The following CEP78 variants were observed in gnomAD, a reference collection of about 807,000 sequenced individuals.
CEP78 encodes centrosomal protein of 78 kDa.
In CEP78, 76 loss-of-function variants were observed where a neutral mutation model predicts 81.2. The observed-to-expected ratio is 0.94, with a 90% CI of 0.78 to 1.13. CEP78 has a LOEUF of 1.13. Among genes scored for constraint, CEP78 ranks in the 50% most tolerant of loss-of-function variants. The pLI, the probability that CEP78 is intolerant of heterozygous loss-of-function variation, is 0.00. For missense variants in CEP78, 918 were observed against 846.8 expected (o/e 1.08, Z -1.04); for synonymous variants, 293 against 301.4 (o/e 0.97, Z 0.29).
intron 14 of CEP78, 50 bp from the exon 15 acceptor site, chr9:78,265,809 T>C (rs1211414572): frequency 3.2e-6 from 3 of 929,188 alleles, no homozygotes; most frequent in Admixed American, 4.2e-5. Flanking sequence ...AGAGAAATGA[T>C]TTTCAATTTT....
At chr9:78,242,532 C>T (rs1434922572) in intron 4 of CEP78, among the ~76,000 whole-genome samples, 1 of 152,174 alleles carries the variant, frequency 6.6e-6, no homozygotes, top group African/African-American at 2.4e-5. Flanking sequence ...AGAAAACCTA[C>T]TGTGTCTGTC....
In CEP78 at chr9:78,279,307, G is replaced by GTAGAGATT. The variant is rs1827861256; in HGVS notation, c.*8461_*8462insATTTAGAG. On this transcript the variant is annotated 3_prime_UTR_variant, in exon 17 of 17. Coordinates refer to ENST00000643273, the MANE Select transcript of CEP78 (RefSeq NM_001330691.3). ...TCCTAGCTTAAATGATAAAATTTGA[G>GTAGAGATT]TAGAGTTTGAAAACACTAAAATCAG... The GTAGAGATT allele has an allele frequency of 6.6e-6, 1 of 152,164 alleles. No individual in the cohort carries two copies. Among genetic ancestry groups the GTAGAGATT allele is most frequent in the Non-Finnish European group, 1.5e-5 (1 of 68,030 alleles). The allele number at this position is 152,164 out of a possible 1,614,324, so 9.4% of individuals were successfully genotyped here. A position where few individuals can be genotyped will look rare whatever the true frequency, so the allele number is the denominator to read the frequency against.
intron 8 of CEP78, 121 bp from the exon 9 acceptor site, chr9:78,251,787 A>T: frequency 3.1e-6 from 2 of 646,240 alleles, no homozygotes; most frequent in Non-Finnish European, 4.8e-6. Flanking sequence ...ATCCTGATTT[A>T]ATGGACTTGG....
chr9:78,240,232 A>G (rs2118116541), intron 2 of CEP78, 37 bp downstream of exon 2: 4 of 1,612,696 alleles, frequency 2.5e-6, no homozygotes, highest in Admixed American at 1.7e-5. Flanking sequence ...GACATTTGAT[A>G]GTTGCTTTTA....
intron 1 of CEP78, among the ~76,000 whole-genome samples, chr9:78,237,955 CAAAAAAAAA>C (rs557546978): frequency 1.9e-5 from 2 of 106,112 alleles, no homozygotes; most frequent in African/African-American, 7.3e-5. Flanking sequence ...ACTAAAAATA[CAAAAAAAAA>C]AAAAAAAAAA....
chr9:78,268,671 G>C (rs1366910357), intron 16 of CEP78, among the ~76,000 whole-genome samples: 3 of 145,810 alleles, frequency 2.1e-5, no homozygotes, highest in Non-Finnish European at 3.0e-5. Context: ...AATTAAGCAG[G>C]TTTCTTTTCT....
In CEP78 at chr9:78,240,202, T is replaced by C. The variant is rs1426704521; in HGVS notation, c.426+7T>C. 6.2e-7 allele frequency: 1 copy of C among 1,610,660 alleles called. No homozygotes were observed. Among genetic ancestry groups the C allele is most frequent in the Non-Finnish European group, 8.5e-7 (1 of 1,178,330 alleles). ...TTTAACTATTCTAGCAAAGGTAAGC[T>C]TTGTCTCATTTGGCTTGTAGACATT... On this transcript the variant is annotated splice_region_variant and intron_variant, in intron 2 of 16. Transcript: ENST00000643273.
At chr9:78,242,726 T>G (rs540964602) in intron 4 of CEP78, among the ~76,000 whole-genome samples, 2 of 152,326 alleles carry the variant, frequency 1.3e-5, no homozygotes, top group South Asian at 4.1e-4. Context: ...GATTTTTTTT[T>G]CTCTTAAAAT....
At chr9:78,263,051 C>T (rs1187584284) in intron 12 of CEP78, 67 bp downstream of exon 12, 1 of 793,196 alleles carries the variant, frequency 1.3e-6, no homozygotes. Flanking sequence ...TTAAGTCATA[C>T]ATACACACAC....
intron 1 of CEP78, among the ~76,000 whole-genome samples, chr9:78,239,030 ATAAAT>A (rs1826093737): frequency 6.6e-6 from 1 of 151,860 alleles, no homozygotes; most frequent in African/African-American, 2.4e-5. Flanking sequence ...AGGAACCAAA[ATAAAT>A]TAAAGATGGG....
chr9:78,266,216 A>G (rs1179700452), intron 15 of CEP78, among the ~76,000 whole-genome samples: 1 of 151,866 alleles, frequency 6.6e-6, no homozygotes, highest in African/African-American at 2.4e-5. Flanking sequence ...TTAATGAGGG[A>G]GACATAAATT....
Position 78,279,386 on chromosome 9 carries a change from A to G in CEP78, c.*8535A>G, listed in dbSNP as rs971901915. 1 of 152,232 alleles carries G rather than the reference A, an allele frequency of 6.6e-6. No individual in the cohort carries two copies. The allele number at this position is 152,232 out of a possible 1,614,324, so 9.4% of individuals were successfully genotyped here. On this transcript the variant is annotated 3_prime_UTR_variant, in exon 17 of 17. Transcript: ENST00000643273. ...TATACCAAAGCCAAACTTCACCTAA[A>G]TCTTACCTAAGAATTGAGTTCCTTA...
At chr9:78,257,203 C>A (rs1827077529) in intron 11 of CEP78, among the ~76,000 whole-genome samples, 1 of 151,860 alleles carries the variant, frequency 6.6e-6, no homozygotes, top group Non-Finnish European at 1.5e-5. Flanking sequence ...GAAAGAAATC[C>A]CAAGAGAAAA....
rs866626048 is a variant in CEP78, at chr9:78,271,285, A to G, written c.*434A>G. The G allele has an allele frequency of 2.0e-5, 3 of 153,104 alleles. No individual in the cohort carries two copies. The highest frequency in any genetic ancestry group is 7.2e-5 in the African/African-American group (3 of 41,512). 9.5% of individuals were successfully genotyped at this position (153,104 alleles called of 1,614,324 possible). On this transcript the variant is annotated 3_prime_UTR_variant, in exon 17 of 17. Coordinates refer to ENST00000643273, the MANE Select transcript of CEP78 (RefSeq NM_001330691.3). ...CTTCCAACTTTAATCTTAGGCCCTC[A>G]TTTATAAATATGGACAACCAAGAAT... is the stretch of plus-strand genomic sequence containing the variant.
chr9:78,240,571 A>C (rs370356169), intron 3 of CEP78, among the ~76,000 whole-genome samples: 16 of 152,334 alleles, frequency 1.1e-4, no homozygotes, highest in African/African-American at 3.8e-4. Context: ...TAAACCACAG[A>C]CCACACAAAT....
In CEP78 at chr9:78,266,553, G is replaced by A; in HGVS notation, c.1957G>A (p.Ala653Thr). ...TTCCAGCAACAACCTAGGAGTCCCAGCTACTGAGCAGCGGCAGGAGTCTTT... is the reference window on the plus strand; with the variant it reads ...TTCCAGCAACAACCTAGGAGTCCCAACTACTGAGCAGCGGCAGGAGTCTTT... ...GTSSNNLGVP[A>T]TEQRQESFEG... The change falls in exon 16 of 17, where the codon GCT becomes ACT. Residue 653 changes from alanine to threonine, a missense_variant. Physicochemically the swap from Ala to Thr is moderately conservative, Grantham distance 58. Coordinates refer to ENST00000643273, the MANE Select transcript of CEP78 (RefSeq NM_001330691.3). The A allele has an allele frequency of 6.2e-7, 1 of 1,613,934 alleles. No individual in the cohort carries two copies.
At chr9:78,239,646 G>A (rs775902097) in intron 1 of CEP78, among the ~76,000 whole-genome samples, 9 of 152,056 alleles carry the variant, frequency 5.9e-5, no homozygotes, top group Non-Finnish European at 1.3e-4. Context: ...TGACTCTTCC[G>A]GCTACGGCTC....
chr9:78,272,478 A>C lies in CEP78; in HGVS notation c.*1627A>C, dbSNP rs915808106. 2 of 152,252 alleles carry C rather than the reference A, an allele frequency of 1.3e-5. No individual in the cohort carries two copies. The highest frequency in any genetic ancestry group is 2.9e-5 in the Non-Finnish European group (2 of 68,046). The allele number at this position is 152,252 out of a possible 1,614,324, so 9.4% of individuals were successfully genotyped here. A position where few individuals can be genotyped will look rare whatever the true frequency, so the allele number is the denominator to read the frequency against. ...TCTAAATAAATACTAATGACATATGAAAACAAAGTCCAACCAAAGTTCTAG... is the reference window on the plus strand; with the variant it reads ...TCTAAATAAATACTAATGACATATGCAAACAAAGTCCAACCAAAGTTCTAG... On this transcript the variant is annotated 3_prime_UTR_variant, in exon 17 of 17. Coordinates refer to ENST00000643273, the MANE Select transcript of CEP78 (RefSeq NM_001330691.3).
intron 1 of CEP78, among the ~76,000 whole-genome samples, chr9:78,238,783 G>A (rs1214369502): frequency 6.6e-6 from 1 of 152,080 alleles, no homozygotes; most frequent in Non-Finnish European, 1.5e-5. Context: ...GGCCAGGTGC[G>A]GTGGCTCACA....
Sources: allele counts gnomAD v4.1 joint callset (sites outside exome capture counted in the v4.1 genomes callset), GRCh38; gene constraint gnomAD v4.1.1; transcripts MANE v1.5; gene names NCBI Gene and HGNC (gene_info 2026-07-23, HGNC 2026-07-21).